Variants in PUDP observed in about 807,000 individuals in gnomAD.
PUDP encodes pseudouridine-5'-phosphatase.
In PUDP, 8 loss-of-function variants were observed where a neutral mutation model predicts 9.4. The observed-to-expected ratio is 0.85, with a 90% CI of 0.50 to 1.53. The LOEUF is 1.53. Among genes scored for constraint, PUDP ranks in the 40% most tolerant of loss-of-function variants. PUDP has a pLI of 0.00. For synonymous variants in PUDP, 99 were observed against 80.7 expected (o/e 1.23, Z -1.22); for missense variants, 188 against 189.7 (o/e 0.99, Z 0.05).
At chrX:6,778,588 G>A (rs1477578990) in intron 3 of PUDP, among the ~76,000 whole-genome samples, 2 of 112,578 alleles carry the variant, frequency 1.8e-5, no homozygotes, top group East Asian at 5.6e-4. Context: ...CAGTACTTGA[G>A]GAAATGTCAG....
At chrX:6,731,826 C>A (rs5989490) in intron 3 of PUDP, among the ~76,000 whole-genome samples, 21,044 of 107,936 alleles carry the variant, frequency 0.19, 1,749 homozygotes, top group African/African-American at 0.25. Flanking sequence ...GGAAGGAAGG[C>A]CATTAAAACC....
intron 3 of PUDP, among the ~76,000 whole-genome samples, chrX:6,926,972 G>A (rs1372524265): frequency 2.2e-5 from 2 of 90,745 alleles, no homozygotes; most frequent in African/African-American, 8.7e-5. Context: ...CTGTCCCCCA[G>A]GCTGGAGTGC....
chrX:7,117,542 C>T (rs1469537097), intron 1 of PUDP, among the ~76,000 whole-genome samples: 1 of 112,484 alleles, frequency 8.9e-6, no homozygotes, highest in East Asian at 2.8e-4. Flanking sequence ...TAACAGACTA[C>T]GCTCAGATGC....
intron 1 of PUDP, among the ~76,000 whole-genome samples, chrX:7,112,786 C>G (rs1932089891): frequency 9.0e-6 from 1 of 111,258 alleles, no homozygotes; most frequent in Non-Finnish European, 1.9e-5. Flanking sequence ...CTCAGCCTCC[C>G]AAGTAGCTGG....
chrX:7,008,115 C>T (rs765388701), intron 1 of PUDP, among the ~76,000 whole-genome samples: 1 of 109,611 alleles, frequency 9.1e-6, no homozygotes, highest in Non-Finnish European at 1.9e-5. Context: ...AGGCACCCAC[C>T]ACCACGCGCA....
intron 3 of PUDP, among the ~76,000 whole-genome samples, chrX:6,959,791 C>A (rs1486521204): frequency 1.8e-5 from 2 of 112,862 alleles, no homozygotes; most frequent in East Asian, 5.6e-4. Flanking sequence ...CAAGGCCCAA[C>A]TTCCACCCCA....
intron 1 of PUDP, among the ~76,000 whole-genome samples, chrX:7,135,710 G>A (rs1157591528): frequency 8.9e-6 from 1 of 111,921 alleles, no homozygotes; most frequent in Non-Finnish European, 1.9e-5. Context: ...TGTTTTTAGT[G>A]GTTCATGCTT....
At chrX:6,898,629 T>C (rs753962297) in intron 3 of PUDP, among the ~76,000 whole-genome samples, 4 of 112,192 alleles carry the variant, frequency 3.6e-5, no homozygotes, top group Non-Finnish European at 7.5e-5. Flanking sequence ...TGTGTCAAAG[T>C]ATTCCACTCT....
At chrX:6,728,567 G>C (rs1019513009) in intron 3 of PUDP, among the ~76,000 whole-genome samples, 1 of 111,683 alleles carries the variant, frequency 9.0e-6, no homozygotes, top group South Asian at 3.8e-4. Flanking sequence ...GAGAAAACCA[G>C]GGCACAAAGG....
chrX:6,889,708 A>C (rs1330722235), intron 3 of PUDP, among the ~76,000 whole-genome samples: 1 of 111,372 alleles, frequency 9.0e-6, no homozygotes, highest in African/African-American at 3.3e-5. Flanking sequence ...CTTAATTACC[A>C]CTTCCTTTAC....
At chrX:7,065,078 A>G (rs1930510771) in intron 3 of PUDP, among the ~76,000 whole-genome samples, 2 of 111,840 alleles carry the variant, frequency 1.8e-5, no homozygotes, top group South Asian at 7.4e-4. Flanking sequence ...TCTATATAAG[A>G]GACGTGATCT....
chrX:6,821,112 C>G (rs777786524), intron 3 of PUDP, among the ~76,000 whole-genome samples: 3 of 111,224 alleles, frequency 2.7e-5, no homozygotes, highest in Non-Finnish European at 3.8e-5. Flanking sequence ...GTTGGAACTT[C>G]CACCCAGGGG....
chrX:6,877,210 C>T (rs1927278284), intron 3 of PUDP, among the ~76,000 whole-genome samples: 1 of 110,800 alleles, frequency 9.0e-6, no homozygotes, highest in Non-Finnish European at 1.9e-5. Flanking sequence ...TCTTTGGCCT[C>T]AGCCTCCCCA....
At chrX:7,020,964 G>A (rs1368638960) in intron 1 of PUDP, among the ~76,000 whole-genome samples, 1 of 112,621 alleles carries the variant, frequency 8.9e-6, no homozygotes, top group Non-Finnish European at 1.9e-5. Flanking sequence ...ATTGTGAGAG[G>A]CAGCCTGTTG....
intron 3 of PUDP, among the ~76,000 whole-genome samples, chrX:6,938,718 G>A (rs973005082): frequency 2.8e-5 from 3 of 107,384 alleles, no homozygotes; most frequent in Admixed American, 1.0e-4. Context: ...GTCAGGAGTC[G>A]CATGAATTAT....
intron 3 of PUDP, among the ~76,000 whole-genome samples, chrX:6,932,604 C>T (rs979564611): frequency 9.4e-5 from 10 of 106,031 alleles, no homozygotes; most frequent in Non-Finnish European, 1.6e-4. Flanking sequence ...CACTAGGGAG[C>T]GCCAGACAGT....
intron 3 of PUDP, among the ~76,000 whole-genome samples, chrX:6,880,249 T>C (rs1386794730): frequency 9.1e-6 from 1 of 110,336 alleles, no homozygotes; most frequent in African/African-American, 3.3e-5. Context: ...TTGTCCCTCA[T>C]CCCCCTCCCA....
intron 3 of PUDP, among the ~76,000 whole-genome samples, chrX:6,930,075 T>G (rs887880993): frequency 9.0e-6 from 1 of 111,082 alleles, no homozygotes; most frequent in African/African-American, 3.3e-5. Context: ...AAAAATAGGA[T>G]AGGACTTTCC....
chrX:6,887,391 T>C (rs1927445584), intron 3 of PUDP, among the ~76,000 whole-genome samples: 1 of 110,004 alleles, frequency 9.1e-6, no homozygotes, highest in Non-Finnish European at 1.9e-5. Flanking sequence ...TCTTGATGAC[T>C]TCATGGTAAA....
Sources: allele counts gnomAD v4.1 joint callset (sites outside exome capture counted in the v4.1 genomes callset), GRCh38; gene constraint gnomAD v4.1.1; transcripts MANE v1.5; gene names NCBI Gene and HGNC (gene_info 2026-07-23, HGNC 2026-07-21).